The following JMJD1C variants were observed in gnomAD, a reference collection of about 807,000 sequenced individuals.
JMJD1C encodes the protein jumonji domain-containing protein 1C.
A neutral mutation model predicts 245.3 loss-of-function variants in JMJD1C; 31 were observed. The observed-to-expected ratio is 0.13, with a 90% confidence interval of 0.09 to 0.17. The LOEUF is 0.17. JMJD1C is among the 10% of genes least tolerant of loss of function. The probability of loss-of-function intolerance (pLI) is 1.00; values close to 1 mark genes in which losing one functional copy is unlikely to be tolerated. For synonymous variants in JMJD1C, 1,057 were observed against 1,017.4 expected, an observed-to-expected ratio of 1.04 and a Z score of -0.74; for missense variants, 2,691 against 3,000.2, an observed-to-expected ratio of 0.90 and a Z score of 2.41.
chr10:63,285,432 C>CT (rs1857872485), intron 2 of JMJD1C, among the ~76,000 whole-genome samples: 1 of 152,180 alleles, frequency 6.6e-6, no homozygotes, highest in Admixed American at 6.5e-5. Flanking sequence ...AATCCCTTCC[C>CT]TTGCCCTCTG....
chr10:63,493,315 G>GCAGTGGCAT (rs1954239222), intron 1 of JMJD1C, among the ~76,000 whole-genome samples: 1 of 119,818 alleles, frequency 8.3e-6, no homozygotes, highest in African/African-American at 3.2e-5. Context: ...AGGCTGGAGT[G>GCAGTGGCAT]CAGTGGCATG....
chr10:63,334,029 G>A (rs1279221694), intron 2 of JMJD1C, among the ~76,000 whole-genome samples: 1 of 152,160 alleles, frequency 6.6e-6, no homozygotes, highest in East Asian at 1.9e-4. Flanking sequence ...AGTAACAGAA[G>A]TGATTCACTG....
At chr10:63,310,203 T>G (rs1347234633) in intron 2 of JMJD1C, among the ~76,000 whole-genome samples, 1 of 152,168 alleles carries the variant, frequency 6.6e-6, no homozygotes, top group Non-Finnish European at 1.5e-5. Flanking sequence ...ACGAAATGAT[T>G]ACAGTAAACA....
intron 1 of JMJD1C, among the ~76,000 whole-genome samples, chr10:63,415,081 T>G (rs1949723512): frequency 6.6e-6 from 1 of 152,168 alleles, no homozygotes; most frequent in Admixed American, 6.5e-5. Context: ...AGGATACAAC[T>G]CCACTGACTC....
intron 1 of JMJD1C, among the ~76,000 whole-genome samples, chr10:63,496,778 A>G (rs1046231056): frequency 1.3e-5 from 2 of 152,246 alleles, no homozygotes; most frequent in Admixed American, 6.5e-5. Context: ...AGGTTTGGTC[A>G]TATCACTTGC....
At chr10:63,174,312 G>A (rs1480642380) in intron 24 of JMJD1C, among the ~76,000 whole-genome samples, 19 of 151,742 alleles carry the variant, frequency 1.3e-4, no homozygotes, top group African/African-American at 4.8e-5. Context: ...GTGAATGTAC[G>A]GATTTAAAAA....
rs1321360231 is a variant in JMJD1C, at chr10:63,392,908, A to ACACG, written c.169-12427_169-12426insCGTG. Among the ~76,000 whole-genome samples the ACACG allele has an allele frequency of 4.0e-5, 6 of 148,256 alleles. No homozygotes were observed. In the South Asian group the frequency reaches 8.6e-4, roughly 21 times the overall value. Reference sequence around the variant, plus strand: ...CACACACACACACACACACACACACACGTGAGCAAAGGACATAAACAGACA... The same window carrying ACACG: ...CACACACACACACACACACACACACACACGCGTGAGCAAAGGACATAAACAGACA... On this transcript the variant is annotated intron_variant, in intron 1 of 25. Transcript: ENST00000399262.
chr10:63,236,598 A>G (rs1850761179), intron 3 of JMJD1C, among the ~76,000 whole-genome samples: 1 of 152,108 alleles, frequency 6.6e-6, no homozygotes, highest in Non-Finnish European at 1.5e-5. Context: ...GCCAACCACA[A>G]TTTACTAACT....
At chr10:63,247,754 CATCTTTTCCCAT>C (rs1169429194) in intron 3 of JMJD1C, among the ~76,000 whole-genome samples, 22 of 147,002 alleles carry the variant, frequency 1.5e-4, no homozygotes, top group Admixed American at 3.4e-4. Flanking sequence ...AAAAACCTTG[CATCTTTTCCCAT>C]TTCTTTTCCA....
At chr10:63,439,388 T>C (rs1207309646) in intron 1 of JMJD1C, among the ~76,000 whole-genome samples, 1 of 152,220 alleles carries the variant, frequency 6.6e-6, no homozygotes, top group Admixed American at 6.5e-5. Flanking sequence ...ACATCACTAT[T>C]AATTACAACA....
chr10:63,266,594 A>C (rs540064610), intron 2 of JMJD1C, among the ~76,000 whole-genome samples: 31 of 152,266 alleles, frequency 2.0e-4, no homozygotes, highest in African/African-American at 7.2e-4. Context: ...GTTTTTAAGT[A>C]AACTAGAAAA....
At chr10:63,372,228 G>C (rs890951354) in intron 2 of JMJD1C, among the ~76,000 whole-genome samples, 3 of 152,112 alleles carry the variant, frequency 2.0e-5, no homozygotes, top group Non-Finnish European at 2.9e-5. Context: ...CACAATTCCT[G>C]GTTGAACCAG....
At chr10:63,347,067 A>ATTT (rs71025162) in intron 2 of JMJD1C, among the ~76,000 whole-genome samples, 1 of 104,184 alleles carries the variant, frequency 9.6e-6, no homozygotes, top group Non-Finnish European at 2.0e-5. Flanking sequence ...AATGAAAAGA[A>ATTT]TTTTTTTTTT....
chr10:63,265,914 T>C (rs1855516252), intron 2 of JMJD1C, among the ~76,000 whole-genome samples: 1 of 152,110 alleles, frequency 6.6e-6, no homozygotes, highest in Non-Finnish European at 1.5e-5. Context: ...TATATAACAT[T>C]TTGTTAATAA....
chr10:63,263,254 CAAG>C (rs1855025668), intron 3 of JMJD1C, among the ~76,000 whole-genome samples: 1 of 152,012 alleles, frequency 6.6e-6, no homozygotes, highest in Non-Finnish European at 1.5e-5. Context: ...TTTAAAGAAA[CAAG>C]AAAAATCAAG....
At chr10:63,445,864 T>TTC (rs1392001928) in intron 1 of JMJD1C, among the ~76,000 whole-genome samples, 1 of 48,130 alleles carries the variant, frequency 2.1e-5, no homozygotes, top group Non-Finnish European at 4.4e-5. Flanking sequence ...GGATCTGAAT[T>TTC]TTTTTTTTTT....
intron 2 of JMJD1C, among the ~76,000 whole-genome samples, chr10:63,323,519 A>G (rs1941156740): frequency 6.6e-6 from 1 of 152,174 alleles, no homozygotes; most frequent in Admixed American, 6.5e-5. Flanking sequence ...GACTGTTTCA[A>G]AAAAAGAAAG....
intron 10 of JMJD1C, among the ~76,000 whole-genome samples, chr10:63,206,116 G>T (rs1347179076): frequency 6.6e-6 from 1 of 152,186 alleles, no homozygotes; most frequent in East Asian, 1.9e-4. Flanking sequence ...ATCCCCCACA[G>T]GTATACCCAG....
intron 3 of JMJD1C, among the ~76,000 whole-genome samples, chr10:63,245,132 TCAAAAAAAAAAA>T (rs1852014872): frequency 6.3e-5 from 1 of 15,792 alleles, no homozygotes. Context: ...AGACTCTGTC[TCAAAAAAAAAAA>T]AAAAAAAAAA....
Sources: gnomAD v4.1 joint callset for allele counts (sites outside exome capture counted in the v4.1 genomes callset) on GRCh38, gnomAD v4.1.1 for gene constraint, MANE v1.5 for transcripts, NCBI Gene and HGNC (gene_info 2026-07-23, HGNC 2026-07-21) for gene names.